MICU3: variants seen among roughly 807,000 people sequenced by gnomAD.
MICU3 encodes calcium uptake protein 3, mitochondrial.
In MICU3, 62 loss-of-function variants were observed where a neutral mutation model predicts 66.5. The observed-to-expected ratio is 0.93, with a 90% confidence interval of 0.76 to 1.15. MICU3 has a LOEUF of 1.15. Ranked by LOEUF, MICU3 falls within the 50% of genes most tolerant of loss-of-function variation. The pLI is 0.00. For synonymous variants in MICU3, 308 were observed against 240.7 expected, an observed-to-expected ratio of 1.28 and a Z score of -2.59; for missense variants, 779 against 664.4, an observed-to-expected ratio of 1.17 and a Z score of -1.90.
chr8:17,074,060 T>A (rs926635855), intron 3 of MICU3, among the ~76,000 whole-genome samples: 19 of 151,486 alleles, frequency 1.3e-4, no homozygotes, highest in Non-Finnish European at 1.8e-4. Context: ...TTTTGGTTTT[T>A]TTTTTTATTT....
chr8:17,035,992 T>C (rs1207265565), intron 1 of MICU3, among the ~76,000 whole-genome samples: 1 of 152,120 alleles, frequency 6.6e-6, no homozygotes, highest in Non-Finnish European at 1.5e-5. Flanking sequence ...ACTAGTACCT[T>C]TGTGTCCGGA....
chr8:17,094,965 G>A (rs1015263537), intron 8 of MICU3, among the ~76,000 whole-genome samples: 12 of 151,692 alleles, frequency 7.9e-5, no homozygotes, highest in Admixed American at 4.6e-4. Context: ...TTTATCTTCC[G>A]GTTCATTAAT....
rs549044096 is a variant in MICU3, at chr8:17,093,190, T to C, written c.888+2606T>C. 5.3e-5 allele frequency among the ~76,000 whole-genome samples: 8 copies of C among 152,176 alleles called. No individual in the cohort carries two copies. The South Asian group carries it at 1.7e-3, about 31-fold the overall frequency. On this transcript the variant is annotated intron_variant, in intron 8 of 14. Transcript: ENST00000318063. ...TTCCTATTTCTCATGTGGTCAACTCTTAATTTCATCATTGCACAGTGATGA... is the reference window on the plus strand; with the variant it reads ...TTCCTATTTCTCATGTGGTCAACTCCTAATTTCATCATTGCACAGTGATGA...
rs1346699316 is a variant in MICU3, at chr8:17,104,724, G to A, written c.1085+233G>A. On this transcript the variant is annotated intron_variant, in intron 10 of 14. Transcript: ENST00000318063. ...AAAATTCCAGATATCGGCCGGGCGC[G>A]GTGGCTCACGCCTGTAATCCCAGCA... Among the ~76,000 whole-genome samples, 2 of 97,964 alleles carry A rather than the reference G, an allele frequency of 2.0e-5. 1 individual carries two copies. The highest frequency in any genetic ancestry group is 3.7e-5 in the Non-Finnish European group (2 of 54,772). 64.3% of individuals were successfully genotyped at this position (97,964 alleles called of 152,430 possible). A position where few individuals can be genotyped will look rare whatever the true frequency, so the allele number is the denominator to read the frequency against.
intron 9 of MICU3, among the ~76,000 whole-genome samples, chr8:17,102,225 G>C (rs1801326405): frequency 6.6e-6 from 1 of 151,634 alleles, no homozygotes. Context: ...CTTCCAGACA[G>C]AGGCGCCTCT....
At chr8:17,066,530 T>C (rs767500382) in intron 2 of MICU3, among the ~76,000 whole-genome samples, 55 of 127,166 alleles carry the variant, frequency 4.3e-4, no homozygotes, top group Non-Finnish European at 7.3e-4. Flanking sequence ...TATATATATA[T>C]ATATATATAT....
At position 17,122,010 on chromosome 8, in the gene MICU3, A is replaced by G. The variant is rs188707231; in HGVS notation, c.*1723A>G. 9.2e-5 allele frequency: 14 copies of G among 151,980 alleles called. No homozygotes were observed. Among genetic ancestry groups the G allele is most frequent in the African/African-American group, 3.1e-4 (13 of 41,542 alleles). The allele number at this position is 151,980 out of a possible 1,614,324, so 9.4% of individuals were successfully genotyped here. On this transcript the variant is annotated 3_prime_UTR_variant, in exon 15 of 15. Transcript: ENST00000318063. ...CAGTTTCCTTTAATCCTTGACTATAAGTTATACTATGTTGCGTACATGGCA... is the reference window on the plus strand; with the variant it reads ...CAGTTTCCTTTAATCCTTGACTATAGGTTATACTATGTTGCGTACATGGCA...
chr8:17,068,828 T>C (rs949601179), intron 2 of MICU3, among the ~76,000 whole-genome samples: 1 of 152,174 alleles, frequency 6.6e-6, no homozygotes, highest in Non-Finnish European at 1.5e-5. Context: ...TAGAAGAAGA[T>C]GTTGGTTGGC....
chr8:17,128,831 A>T, the MICU3 span, among the ~76,000 whole-genome samples: 3 of 152,174 alleles, frequency 2.0e-5, no homozygotes, highest in African/African-American at 4.8e-5. Context: ...GCTGAAATTT[A>T]TGGGACAGAG....
At chr8:17,033,454 G>T (rs1241655787) in intron 1 of MICU3, among the ~76,000 whole-genome samples, 2 of 149,202 alleles carry the variant, frequency 1.3e-5, no homozygotes, top group Non-Finnish European at 3.0e-5. Context: ...TTTTTTTTTT[G>T]AGACCGAGTC....
chr8:17,045,502 A>G (rs1359655245), intron 1 of MICU3, among the ~76,000 whole-genome samples: 1 of 152,192 alleles, frequency 6.6e-6, no homozygotes, highest in Non-Finnish European at 1.5e-5. Flanking sequence ...TCCCCATAAA[A>G]AGGCCTCATA....
intron 3 of MICU3, among the ~76,000 whole-genome samples, chr8:17,075,256 T>A (rs990677879): frequency 2.8e-4 from 42 of 152,142 alleles, no homozygotes; most frequent in Admixed American, 2.8e-3. Context: ...GCTTAGTGCT[T>A]AGAATTTTTA....
downstream of MICU3, among the ~76,000 whole-genome samples, chr8:17,123,302 G>A (rs1367362205): frequency 6.6e-6 from 1 of 152,088 alleles, no homozygotes; most frequent in East Asian, 1.9e-4. Flanking sequence ...ACCTATAATT[G>A]TGACTATACG....
At position 17,114,057 on chromosome 8, in the gene MICU3, A is replaced by G. The variant is rs537087399; in HGVS notation, c.1258-36A>G. 3.1e-3 allele frequency: 4,223 copies of G among 1,354,096 alleles called. 117 individuals are homozygous for G. In the South Asian group the frequency reaches 0.049, roughly 16 times the overall value. The allele number at this position is 1,354,096 out of a possible 1,614,324, so 83.9% of individuals were successfully genotyped here. A position where few individuals can be genotyped will look rare whatever the true frequency, so the allele number is the denominator to read the frequency against. ...GATCCTGATTTTAATAAATTTGGCA[A>G]TACTAAATGTATTTTCATTTCCTTT... On this transcript the variant is annotated intron_variant, in intron 11 of 14. Transcript: ENST00000318063.
intron 3 of MICU3, among the ~76,000 whole-genome samples, chr8:17,072,823 G>C (rs1819803840): frequency 6.6e-6 from 1 of 152,150 alleles, no homozygotes; most frequent in Non-Finnish European, 1.5e-5. Context: ...CCAGAAATCT[G>C]ACAATACCCA....
At chr8:17,132,443 T>C in the MICU3 span, 1 of 152,212 alleles carries the variant, frequency 6.6e-6, no homozygotes, top group Non-Finnish European at 1.5e-5. Flanking sequence ...GTTTCTGTAC[T>C]TTTCTACTAC....
chr8:17,070,262 A>G (rs970350789), intron 3 of MICU3, among the ~76,000 whole-genome samples: 12 of 152,104 alleles, frequency 7.9e-5, no homozygotes, highest in African/African-American at 2.9e-4. Flanking sequence ...CCATAAATAA[A>G]TGTTGATATA....
At chr8:17,097,276 T>A (rs903711843) in intron 8 of MICU3, among the ~76,000 whole-genome samples, 1 of 151,832 alleles carries the variant, frequency 6.6e-6, no homozygotes, top group African/African-American at 2.4e-5. Flanking sequence ...GTATTAGTTC[T>A]ATATTTAGCT....
In MICU3 at chr8:17,120,391, T is replaced by C. The variant is rs1331550765; in HGVS notation, c.*104T>C. 1 of 152,050 alleles carries C rather than the reference T, an allele frequency of 6.6e-6. No homozygotes were observed. The highest frequency in any genetic ancestry group is 1.5e-5 in the Non-Finnish European group (1 of 67,966). 9.4% of individuals were successfully genotyped at this position (152,050 alleles called of 1,614,324 possible). A position where few individuals can be genotyped will look rare whatever the true frequency, so the allele number is the denominator to read the frequency against. ...GTCTGAGGTCAGAAGAAGTAGAGAA[T>C]GAAGGAAAAGGTGAATGCTATGAAA... is the stretch of plus-strand genomic sequence containing the variant. On this transcript the variant is annotated 3_prime_UTR_variant, in exon 15 of 15. Transcript: ENST00000318063.
Sources: allele counts gnomAD v4.1 joint callset (sites outside exome capture counted in the v4.1 genomes callset), GRCh38; gene constraint gnomAD v4.1.1; transcripts MANE v1.5; gene names NCBI Gene and HGNC (gene_info 2026-07-23, HGNC 2026-07-21).